Variants in DSTN observed in about 807,000 individuals in gnomAD.
DSTN encodes the protein destrin.
Under a neutral mutation model 16.8 loss-of-function variants are expected in DSTN, and 10 were observed. The ratio of observed to expected loss-of-function variants is 0.60; its 90% CI spans 0.37 to 1.01. The LOEUF is 1.01. Among genes scored for constraint, DSTN ranks in the 50% least tolerant of loss-of-function variants. The probability of loss-of-function intolerance (pLI) is 0.01; values close to 1 mark genes in which losing one functional copy is unlikely to be tolerated. For missense variants in DSTN, 141 were observed against 196.7 expected (o/e 0.72, Z 1.69); for synonymous variants, 57 against 58.9 (o/e 0.97, Z 0.14).
chr20:17,591,785 A>G (rs1208498396), intron 1 of DSTN: 1 of 598,586 alleles, frequency 1.7e-6, no homozygotes, highest in Non-Finnish European at 2.1e-6. Flanking sequence ...GCCTAAGGTG[A>G]CATAGCTAGT....
chr20:17,578,961 CA>C (rs59600009), intron 1 of DSTN, among the ~76,000 whole-genome samples: 6,100 of 81,174 alleles, frequency 0.075, 166 homozygotes, highest in East Asian at 0.22. Context: ...AATTCCATCT[CA>C]AAAAAAAAAA....
At chr20:17,591,688 G>C (rs2035471150) in intron 1 of DSTN, among the ~76,000 whole-genome samples, 1 of 152,194 alleles carries the variant, frequency 6.6e-6, no homozygotes, top group Non-Finnish European at 1.5e-5. Flanking sequence ...GGTGATTCCT[G>C]TGCACATTAG....
At chr20:17,589,536 G>A (rs1222132886) in intron 1 of DSTN, among the ~76,000 whole-genome samples, 1 of 152,196 alleles carries the variant, frequency 6.6e-6, no homozygotes, top group Non-Finnish European at 1.5e-5. Context: ...GACCTGTGAG[G>A]CCCTGAACAC....
At chr20:17,571,076 T>C in intron 1 of DSTN, among the ~76,000 whole-genome samples, 1 of 152,246 alleles carries the variant, frequency 6.6e-6, no homozygotes, top group African/African-American at 2.4e-5. Context: ...ATTAGTATAT[T>C]CTATATGATG....
At chr20:17,583,778 C>T (rs2035375607) in intron 1 of DSTN, among the ~76,000 whole-genome samples, 1 of 113,432 alleles carries the variant, frequency 8.8e-6, no homozygotes, top group Non-Finnish European at 1.7e-5. Context: ...TCTCTGTCAC[C>T]CAGGTTGGAG....
At chr20:17,572,771 C>T (rs1422122679) in intron 1 of DSTN, among the ~76,000 whole-genome samples, 1 of 152,164 alleles carries the variant, frequency 6.6e-6, no homozygotes, top group Non-Finnish European at 1.5e-5. Context: ...TTTCCAACTC[C>T]AAGTTTTAAA....
At chr20:17,606,259 A>G (rs1210240522) in intron 3 of DSTN, among the ~76,000 whole-genome samples, 1 of 152,250 alleles carries the variant, frequency 6.6e-6, no homozygotes, top group African/African-American at 2.4e-5. Context: ...GGGAATAACC[A>G]TGCAGCTATT....
intron 1 of DSTN, among the ~76,000 whole-genome samples, chr20:17,575,024 CTT>C (rs1438909309): frequency 6.6e-6 from 1 of 151,690 alleles, no homozygotes; most frequent in Non-Finnish European, 1.5e-5. Context: ...ACCCAGCTAA[CTT>C]TTTAAAATTT....
chr20:17,592,967 G>C (rs760147324), intron 1 of DSTN, among the ~76,000 whole-genome samples: 1 of 152,100 alleles, frequency 6.6e-6, no homozygotes, highest in Admixed American at 6.5e-5. Flanking sequence ...GTTCTCTTAC[G>C]CATGGCTTCA....
intron 1 of DSTN, among the ~76,000 whole-genome samples, chr20:17,574,216 A>G (rs976227228): frequency 6.6e-6 from 1 of 152,086 alleles, no homozygotes; most frequent in Non-Finnish European, 1.5e-5. Flanking sequence ...AAACAAGAAC[A>G]TGATTATCAA....
intron 1 of DSTN, among the ~76,000 whole-genome samples, chr20:17,577,413 CAAA>C (rs1410045059): frequency 2.0e-5 from 3 of 151,996 alleles, no homozygotes; most frequent in African/African-American, 7.3e-5. Flanking sequence ...ACTAAAAATA[CAAA>C]ATTAGCCAGG....
At chr20:17,572,537 T>C (rs1289070507) in intron 1 of DSTN, among the ~76,000 whole-genome samples, 1 of 152,182 alleles carries the variant, frequency 6.6e-6, no homozygotes, top group Non-Finnish European at 1.5e-5. Flanking sequence ...GCCCCTGAAG[T>C]AGAGTTAAAA....
At chr20:17,582,821 T>C (rs2035361392) in intron 1 of DSTN, among the ~76,000 whole-genome samples, 1 of 152,220 alleles carries the variant, frequency 6.6e-6, no homozygotes, top group Non-Finnish European at 1.5e-5. Flanking sequence ...CTGGCCTTTC[T>C]AGGCAATGAC....
At chr20:17,570,422 C>T (rs903415228) in intron 1 of DSTN, among the ~76,000 whole-genome samples, 5 of 152,226 alleles carry the variant, frequency 3.3e-5, no homozygotes, top group African/African-American at 7.2e-5. Flanking sequence ...GGGGTGGATC[C>T]GCGGCTGTTG....
At chr20:17,590,005 C>G (rs2035452396) in intron 1 of DSTN, among the ~76,000 whole-genome samples, 1 of 152,160 alleles carries the variant, frequency 6.6e-6, no homozygotes, top group African/African-American at 2.4e-5. Flanking sequence ...AGGTGTCTGT[C>G]TTGAGTTTAG....
chr20:17,576,102 T>C (rs551295930), intron 1 of DSTN: 4 of 152,236 alleles, frequency 2.6e-5, no homozygotes, highest in South Asian at 4.1e-4. Flanking sequence ...ATCTCAGTAA[T>C]ACTTTGGGCC....
intron 1 of DSTN, among the ~76,000 whole-genome samples, chr20:17,579,642 A>G (rs1229313122): frequency 6.6e-6 from 1 of 152,244 alleles, no homozygotes; most frequent in African/African-American, 2.4e-5. Context: ...GTTAGCTAAA[A>G]TAAATGGTGG....
intron 1 of DSTN, chr20:17,591,960 A>ACCT (rs930537807): frequency 1.0e-6 from 1 of 985,332 alleles, no homozygotes; most frequent in African/African-American, 1.7e-5. Flanking sequence ...AGAGGCAAAG[A>ACCT]CGTAAGAGAG....
At chr20:17,599,025 A>T (rs1047941439) in intron 1 of DSTN, among the ~76,000 whole-genome samples, 3 of 152,276 alleles carry the variant, frequency 2.0e-5, no homozygotes, top group Non-Finnish European at 4.4e-5. Flanking sequence ...ACGAGTGTTT[A>T]TAGCAGTGTT....
Sources: allele counts gnomAD v4.1 joint callset (sites outside exome capture counted in the v4.1 genomes callset), GRCh38; gene constraint gnomAD v4.1.1; transcripts MANE v1.5; gene names NCBI Gene and HGNC (gene_info 2026-07-23, HGNC 2026-07-21).